Variants in NRXN1 observed in about 807,000 individuals in gnomAD.
NRXN1 encodes neurexin-1.
NRXN1 carries 39 observed loss-of-function variants against 150.9 expected under a neutral mutation model. The ratio of observed to expected loss-of-function variants is 0.26; its 90% CI spans 0.20 to 0.34. The LOEUF (loss-of-function observed/expected upper bound fraction) is 0.34. Ranked by LOEUF, NRXN1 falls within the 10% of genes least tolerant of loss-of-function variation. NRXN1 has a pLI of 1.00. For synonymous variants in NRXN1, 924 were observed against 757.0 expected (o/e 1.22, Z -3.62); for missense variants, 1,815 against 1,949.9 (o/e 0.93, Z 1.30).
intron 17 of NRXN1, among the ~76,000 whole-genome samples, chr2:50,353,005 C>G (rs1477093358): frequency 6.6e-6 from 1 of 151,828 alleles, no homozygotes; most frequent in African/African-American, 2.4e-5. Context: ...CTAGCACCTC[C>G]CCAATGATAT....
intron 17 of NRXN1, among the ~76,000 whole-genome samples, chr2:50,252,258 CTTTTT>C (rs143522284): frequency 3.3e-4 from 23 of 69,720 alleles, no homozygotes; most frequent in Admixed American, 6.8e-4. Context: ...TTTTTCTTTT[CTTTTT>C]TTTTTTTTTT....
chr2:50,464,357 C>G (rs905516837), intron 17 of NRXN1: 1 of 151,808 alleles, frequency 6.6e-6, no homozygotes, highest in Non-Finnish European at 1.5e-5. Flanking sequence ...GGAAAGGAAA[C>G]CTAAAGACAG....
chr2:50,488,059 A>G (rs13423656), intron 15 of NRXN1, among the ~76,000 whole-genome samples: 5,414 of 152,286 alleles, frequency 0.036, 326 homozygotes, highest in African/African-American at 0.12. Context: ...CCTAGCACCT[A>G]GTATTCTATC....
chr2:50,066,518 A>AT (rs1177374343), intron 19 of NRXN1, among the ~76,000 whole-genome samples: 3 of 152,106 alleles, frequency 2.0e-5, no homozygotes, highest in African/African-American at 7.2e-5. Context: ...TGAGCTAAAA[A>AT]TTTTTCATAA....
chr2:50,397,530 A>AT (rs2082127254), intron 17 of NRXN1, among the ~76,000 whole-genome samples: 1 of 152,084 alleles, frequency 6.6e-6, no homozygotes, highest in South Asian at 2.1e-4. Flanking sequence ...TATTAAGTCC[A>AT]TGTTACAGGT....
chr2:50,993,875 C>G (rs138404570), intron 2 of NRXN1, among the ~76,000 whole-genome samples: 1 of 151,916 alleles, frequency 6.6e-6, no homozygotes, highest in Non-Finnish European at 1.5e-5. Context: ...AAGGGGAACC[C>G]AGAGCACTTT....
chr2:50,317,144 A>T (rs1429387167), intron 17 of NRXN1, among the ~76,000 whole-genome samples: 1 of 152,042 alleles, frequency 6.6e-6, no homozygotes, highest in Non-Finnish European at 1.5e-5. Flanking sequence ...CATGGAGGAG[A>T]TAATCAAAAG....
At chr2:50,763,130 T>A (rs897764795) in intron 5 of NRXN1, among the ~76,000 whole-genome samples, 1 of 151,990 alleles carries the variant, frequency 6.6e-6, no homozygotes, top group African/African-American at 2.4e-5. Flanking sequence ...CAGTCCTATC[T>A]CAATCTCTCA....
intron 2 of NRXN1, among the ~76,000 whole-genome samples, chr2:51,009,772 G>A (rs1157440279): frequency 6.6e-6 from 1 of 151,882 alleles, no homozygotes. Flanking sequence ...GACAGAGATG[G>A]ATAACAACCG....
At chr2:50,695,341 C>G (rs1185731732) in intron 5 of NRXN1, among the ~76,000 whole-genome samples, 1 of 152,098 alleles carries the variant, frequency 6.6e-6, no homozygotes, top group African/African-American at 2.4e-5. Flanking sequence ...TCAAGCTTTG[C>G]TAAATAATTT....
chr2:50,796,791 AT>A (rs1229807564), intron 5 of NRXN1, among the ~76,000 whole-genome samples: 11 of 152,178 alleles, frequency 7.2e-5, no homozygotes, highest in Non-Finnish European at 8.8e-5. Context: ...GTTTTTTAGT[AT>A]TTTAGTCCAT....
intron 15 of NRXN1, among the ~76,000 whole-genome samples, chr2:50,475,565 T>C (rs1377394907): frequency 6.6e-6 from 1 of 152,070 alleles, no homozygotes; most frequent in Non-Finnish European, 1.5e-5. Context: ...AATCTTTCCC[T>C]TGAGTTACTA....
At chr2:50,949,337 C>T (rs930072520) in intron 2 of NRXN1, among the ~76,000 whole-genome samples, 1 of 151,986 alleles carries the variant, frequency 6.6e-6, no homozygotes, top group African/African-American at 2.4e-5. Flanking sequence ...AATTTAGTTA[C>T]TTACCTTTCA....
At chr2:50,416,710 A>T (rs559711166) in intron 17 of NRXN1, among the ~76,000 whole-genome samples, 1 of 152,134 alleles carries the variant, frequency 6.6e-6, no homozygotes, top group African/African-American at 2.4e-5. Flanking sequence ...GGCAGGAAGG[A>T]GAAGTCCCAA....
At chr2:50,105,540 T>C (rs1439301748) in intron 18 of NRXN1, among the ~76,000 whole-genome samples, 1 of 151,980 alleles carries the variant, frequency 6.6e-6, no homozygotes, top group Non-Finnish European at 1.5e-5. Context: ...AAATCATATT[T>C]ATCATTGCTT....
Position 50,236,801 on chromosome 2 carries a change from T to C in NRXN1, c.3534A>G (p.Leu1178=), listed in dbSNP as rs1480951877. ...VDSSSGLGDY[L]ELHIHQGKIG... ...AAAAAGTACTTACTATATGCAGTTC[T>C]AGGTAGTCACCCAAGCCTGAAGAAC... Residue 1178 remains leucine (L), a synonymous_variant, in exon 18 of 23, where the codon CTA becomes CTG. Coordinates refer to ENST00000401669, the MANE Select transcript of NRXN1 (RefSeq NM_001330078.2). The C allele has an allele frequency of 1.2e-6, 2 of 1,612,970 alleles. No homozygotes were observed. Among genetic ancestry groups the C allele is most frequent in the South Asian group, 1.1e-5 (1 of 91,078 alleles).
chr2:50,114,768 C>T (rs1208559157), intron 18 of NRXN1, among the ~76,000 whole-genome samples: 1 of 151,920 alleles, frequency 6.6e-6, no homozygotes, highest in African/African-American at 2.4e-5. Flanking sequence ...TCTGAGAAGC[C>T]TACACACTGT....
intron 19 of NRXN1, among the ~76,000 whole-genome samples, chr2:50,073,099 C>T (rs1696549251): frequency 6.6e-6 from 1 of 152,182 alleles, no homozygotes; most frequent in African/African-American, 2.4e-5. Flanking sequence ...TCTTGAATTA[C>T]AATATCAGTG....
In NRXN1 at chr2:50,787,712, T is replaced by TA. The variant is rs77473564; in HGVS notation, c.832+134156dup. On this transcript the variant is annotated intron_variant, in intron 5 of 22. Transcript: ENST00000401669. ...AAGAAAAGAAATATGAAACATGTATTAAAAAAAAAAAAAAATCAGGGCTTT... is the reference window on the plus strand; with the variant it reads ...AAGAAAAGAAATATGAAACATGTATTAAAAAAAAAAAAAAAATCAGGGCTTT... Among the ~76,000 whole-genome samples the TA allele has an allele frequency of 3.5e-3, 511 of 144,344 alleles. 1 individual carries two copies. Among genetic ancestry groups the TA allele is most frequent in the Middle Eastern group, 0.022 (6 of 278 alleles). 94.7% of individuals were successfully genotyped at this position (144,344 alleles called of 152,430 possible).
Sources: gnomAD v4.1 joint callset for allele counts (sites outside exome capture counted in the v4.1 genomes callset) on GRCh38, gnomAD v4.1.1 for gene constraint, MANE v1.5 for transcripts, NCBI Gene and HGNC (gene_info 2026-07-23, HGNC 2026-07-21) for gene names.